The following PRSS12 variants were observed in gnomAD, a reference collection of about 807,000 sequenced individuals.
PRSS12 encodes the protein neurotrypsin.
A neutral mutation model predicts 104.4 loss-of-function variants in PRSS12; 85 were observed. The observed-to-expected ratio is 0.81, with a 90% CI of 0.68 to 0.98. The LOEUF (loss-of-function observed/expected upper bound fraction) is 0.98, where lower values mean the gene tolerates loss of function less well. Ranked by LOEUF, PRSS12 falls within the 50% of genes least tolerant of loss-of-function variation. The probability of loss-of-function intolerance (pLI) is 0.00; values close to 1 mark genes in which losing one functional copy is unlikely to be tolerated. For synonymous variants in PRSS12, 454 were observed against 425.2 expected (o/e 1.07, Z -0.83); for missense variants, 1,141 against 1,139.2 (o/e 1.00, Z -0.02).
Position 118,281,952 on chromosome 4 carries a change from CTT to C in PRSS12, c.2610_2611del (p.Ser871CysfsTer74). Reference sequence around the variant, plus strand: ...CATGAAGAATTACAGTTTGGTGACACTTTTTATCCAAGGTACAAAGGCTGAGA... The same window carrying C: ...CATGAAGAATTACAGTTTGGTGACACTTTATCCAAGGTACAAAGGCTGAGA... On this transcript the variant is annotated frameshift_variant, in exon 13 of 13. Coordinates refer to ENST00000296498, the MANE Select transcript of PRSS12 (RefSeq NM_003619.4). LOFTEE classifies it high-confidence loss of function. 7.3e-7 allele frequency: 1 copy of C among 1,376,924 alleles called. No individual in the cohort carries two copies. The highest frequency in any genetic ancestry group is 1.2e-5 in the South Asian group (1 of 86,472). The allele number at this position is 1,376,924 out of a possible 1,614,324, so 85.3% of individuals were successfully genotyped here.
At chr4:118,333,782 T>G (rs184622668) in intron 3 of PRSS12, among the ~76,000 whole-genome samples, 1 of 152,302 alleles carries the variant, frequency 6.6e-6, no homozygotes, top group East Asian at 1.9e-4. Flanking sequence ...TGGTTTCTTT[T>G]TCTTTTTGGA....
rs1449911171 is a variant in PRSS12, at chr4:118,352,347, G to A, written c.374C>T (p.Ala125Val). Residue 125 changes from alanine (A) to valine (V), a missense_variant, in exon 1 of 13, where the codon GCG becomes GTG. Transcript: ENST00000296498. Reference sequence around the variant, plus strand: ...CTGTCCTCGCAGCTGAGCCCAGCTCGCTGGGGGCGACCGCTCCAGGAAGGG... The same window carrying A: ...CTGTCCTCGCAGCTGAGCCCAGCTCACTGGGGGCGACCGCTCCAGGAAGGG... ...VPPFLERSPPASWAQLRGQRH... is the reference protein window; with the variant it reads ...VPPFLERSPPVSWAQLRGQRH... 1 of 1,575,720 alleles carries A rather than the reference G, an allele frequency of 6.3e-7. No individual in the cohort carries two copies. Among genetic ancestry groups the A allele is most frequent in the African/African-American group, 1.3e-5 (1 of 74,698 alleles).
chr4:118,282,190 T>A lies in PRSS12; in HGVS notation c.2374A>T (p.Arg792Trp). Residue 792 changes from arginine to tryptophan, a missense_variant, in exon 13 of 13, where the codon AGG becomes TGG. Coordinates refer to ENST00000296498, the MANE Select transcript of PRSS12 (RefSeq NM_003619.4). ...QQAAIPLLPK[R>W]FCEERYKGRF... is the part of the protein sequence containing the mutation. ...CCCTTATAACGTTCTTCACAAAACCTTTTAGGAAGTAAGGGAATGGCTGCT... is the reference window on the plus strand; with the variant it reads ...CCCTTATAACGTTCTTCACAAAACCATTTAGGAAGTAAGGGAATGGCTGCT... The A allele has an allele frequency of 6.2e-7, 1 of 1,614,186 alleles. No individual in the cohort carries two copies. The highest frequency in any genetic ancestry group is 8.5e-7 in the Non-Finnish European group (1 of 1,180,024).
chr4:118,320,696 T>A (rs548719347), intron 4 of PRSS12, among the ~76,000 whole-genome samples: 1 of 152,222 alleles, frequency 6.6e-6, no homozygotes, highest in African/African-American at 2.4e-5. Context: ...AAGGCTGCAA[T>A]GACCCGTGAT....
intron 4 of PRSS12, 137 bp from the exon 5 acceptor site, chr4:118,318,693 G>A (rs1723521055): frequency 1.1e-6 from 1 of 906,812 alleles, no homozygotes; most frequent in Non-Finnish European, 1.7e-6. Context: ...ATGACTTTCT[G>A]TATTTCTTTT....
chr4:118,317,809 TTTTCCA>T, intron 5 of PRSS12, among the ~76,000 whole-genome samples: 1 of 152,336 alleles, frequency 6.6e-6, no homozygotes, highest in Admixed American at 6.5e-5. Flanking sequence ...TTCTCTTGCC[TTTTCCA>T]TTTCCTTCTT....
At chr4:118,338,438 C>A (rs1233830469) in intron 1 of PRSS12, 124 bp from the exon 2 acceptor site, 1 of 1,238,746 alleles carries the variant, frequency 8.1e-7, no homozygotes, top group Non-Finnish European at 1.2e-6. Flanking sequence ...AATGATTTAG[C>A]CTCCACTGTG....
chr4:118,344,372 T>C (rs1054396394), intron 1 of PRSS12, among the ~76,000 whole-genome samples: 2 of 152,148 alleles, frequency 1.3e-5, no homozygotes, highest in African/African-American at 2.4e-5. Flanking sequence ...CAGTAGGGGA[T>C]GCTAGGTTAA....
At chr4:118,350,917 T>G (rs1407008886) in intron 1 of PRSS12, among the ~76,000 whole-genome samples, 1 of 152,196 alleles carries the variant, frequency 6.6e-6, no homozygotes, top group Non-Finnish European at 1.5e-5. Flanking sequence ...ATGAAAAAAG[T>G]CAATGTTTGC....
chr4:118,288,848 C>G (rs768507369), intron 11 of PRSS12, among the ~76,000 whole-genome samples: 2 of 152,170 alleles, frequency 1.3e-5, no homozygotes, highest in Admixed American at 6.5e-5. Context: ...GTTTCCAATT[C>G]AAATTGCCAA....
chr4:118,344,547 C>G (rs1304151469), intron 1 of PRSS12, among the ~76,000 whole-genome samples: 1 of 152,122 alleles, frequency 6.6e-6, no homozygotes, highest in Non-Finnish European at 1.5e-5. Context: ...TTTTAACATA[C>G]AAGGCATTCC....
At chr4:118,319,184 T>G (rs1235958697) in intron 4 of PRSS12, among the ~76,000 whole-genome samples, 1 of 152,144 alleles carries the variant, frequency 6.6e-6, no homozygotes, top group African/African-American at 2.4e-5. Flanking sequence ...CACAGACTTT[T>G]GAGTTGCTAG....
intron 2 of PRSS12, 134 bp from the exon 3 acceptor site, chr4:118,335,785 A>C (rs1724050170): frequency 2.4e-6 from 2 of 845,260 alleles, no homozygotes; most frequent in Non-Finnish European, 3.9e-6. Flanking sequence ...AAGAAGAAAA[A>C]CACAAAAGAC....
In PRSS12 at chr4:118,338,206, G is replaced by C; in HGVS notation, c.611C>G (p.Ala204Gly). 6.2e-7 allele frequency: 1 copy of C among 1,614,046 alleles called. No homozygotes were observed. Among genetic ancestry groups the C allele is most frequent in the Non-Finnish European group, 8.5e-7 (1 of 1,179,956 alleles). Residue 204 changes from alanine to glycine, a missense_variant, in exon 2 of 13, where the codon GCA becomes GGA. By Grantham distance (60) the Ala-to-Gly change is moderately conservative (BLOSUM62 0). Coordinates refer to ENST00000296498, the MANE Select transcript of PRSS12 (RefSeq NM_003619.4). Reference sequence around the variant, plus strand: ...CTGCAGCTGGTGACAAATGACTGATGCATCAGAATCATCCCAGTGGCTGCT... The same window carrying C: ...CTGCAGCTGGTGACAAATGACTGATCCATCAGAATCATCCCAGTGGCTGCT... ...VCSSHWDDSDASVICHQLQLG... is the reference protein window; with the variant it reads ...VCSSHWDDSDGSVICHQLQLG...
At chr4:118,349,622 A>C (rs1294950739) in intron 1 of PRSS12, among the ~76,000 whole-genome samples, 1 of 152,160 alleles carries the variant, frequency 6.6e-6, no homozygotes, top group Non-Finnish European at 1.5e-5. Context: ...ACACATATCT[A>C]ACCCTATTTT....
At chr4:118,325,335 A>C (rs992405472) in intron 4 of PRSS12, among the ~76,000 whole-genome samples, 11 of 151,894 alleles carry the variant, frequency 7.2e-5, no homozygotes, top group African/African-American at 1.7e-4. Context: ...AAAAAAAAAA[A>C]AAAACACTAC....
chr4:118,347,276 G>C (rs890078765), intron 1 of PRSS12, among the ~76,000 whole-genome samples: 4 of 152,106 alleles, frequency 2.6e-5, no homozygotes, highest in Admixed American at 6.5e-5. Flanking sequence ...TAAAAGTGGC[G>C]GGGGACAGCT....
intron 11 of PRSS12, among the ~76,000 whole-genome samples, chr4:118,283,655 T>C (rs2126025439): frequency 6.6e-6 from 1 of 152,346 alleles, no homozygotes; most frequent in Admixed American, 6.5e-5. Flanking sequence ...TTTAAATCTT[T>C]ATTCAGATGT....
intron 1 of PRSS12, among the ~76,000 whole-genome samples, chr4:118,344,370 G>A (rs1267388712): frequency 1.3e-5 from 2 of 152,052 alleles, no homozygotes; most frequent in Non-Finnish European, 2.9e-5. Context: ...TACAGTAGGG[G>A]ATGCTAGGTT....
Sources: gnomAD v4.1 joint callset for allele counts (sites outside exome capture counted in the v4.1 genomes callset) on GRCh38, gnomAD v4.1.1 for gene constraint, MANE v1.5 for transcripts, NCBI Gene and HGNC (gene_info 2026-07-23, HGNC 2026-07-21) for gene names.